The following BICD2 variants were observed in gnomAD, a reference collection of about 807,000 sequenced individuals.
The protein encoded by BICD2 is protein bicaudal D homolog 2.
BICD2 carries 25 observed loss-of-function variants against 72.9 expected under a neutral mutation model. The ratio of observed to expected loss-of-function variants is 0.34; its 90% CI spans 0.25 to 0.48. BICD2 has a LOEUF of 0.48. Ranked by LOEUF, BICD2 falls within the 20% of genes least tolerant of loss-of-function variation. BICD2 has a pLI of 0.99. For missense variants in BICD2, 894 were observed against 1,175.2 expected (o/e 0.76, Z 3.50); for synonymous variants, 501 against 516.1 (o/e 0.97, Z 0.40).
intron 1 of BICD2, among the ~76,000 whole-genome samples, chr9:92,743,696 G>A (rs1185666579): frequency 6.6e-6 from 1 of 152,146 alleles, no homozygotes; most frequent in Non-Finnish European, 1.5e-5. Context: ...AGCCATCTCT[G>A]CCTGCTCCAT....
At chr9:92,738,684 C>A (rs1043872608) in intron 1 of BICD2, among the ~76,000 whole-genome samples, 35 of 152,296 alleles carry the variant, frequency 2.3e-4, no homozygotes, top group African/African-American at 7.7e-4. Context: ...TTCCACTGGG[C>A]TCTGGCTCCC....
At chr9:92,739,664 A>G (rs1853859781) in intron 1 of BICD2, among the ~76,000 whole-genome samples, 1 of 152,248 alleles carries the variant, frequency 6.6e-6, no homozygotes, top group African/African-American at 2.4e-5. Flanking sequence ...ATTCAAGTCC[A>G]GCACCCACCT....
intron 3 of BICD2, among the ~76,000 whole-genome samples, chr9:92,721,015 G>A (rs1175286136): frequency 1.3e-5 from 2 of 152,172 alleles, no homozygotes; most frequent in East Asian, 1.9e-4. Context: ...CCCACCCACC[G>A]CTGGGACCAG....
rs967158228 is a variant in BICD2 at position 92,713,836 on chromosome 9, C to T, written c.*1318G>A. 1.2e-5 allele frequency: 13 copies of T among 1,082,510 alleles called. No individual in the cohort carries two copies. Among genetic ancestry groups the T allele is most frequent in the African/African-American group, 8.2e-5 (5 of 61,024 alleles). 67.1% of individuals were successfully genotyped at this position (1,082,510 alleles called of 1,614,324 possible). Reference sequence around the variant, plus strand: ...ATACTCGGCACCAAAGGGAAGAACGCGCAGGGCAGAGAGCTGTGGGAGGGG... The same window carrying T: ...ATACTCGGCACCAAAGGGAAGAACGTGCAGGGCAGAGAGCTGTGGGAGGGG... On this transcript the variant is annotated 3_prime_UTR_variant, in exon 7 of 7. Coordinates refer to ENST00000356884, the MANE Select transcript of BICD2 (RefSeq NM_001003800.2).
Position 92,729,011 on chromosome 9 carries a change from C to T in BICD2, c.453+13G>A, listed in dbSNP as rs773913737. 1 of 1,612,762 alleles carries T rather than the reference C, an allele frequency of 6.2e-7. No individual in the cohort carries two copies. Among genetic ancestry groups the T allele is most frequent in the Non-Finnish European group, 8.5e-7 (1 of 1,179,194 alleles). ...GCTGCAGCCACAGACTAGGCCCCTC[C>T]TCACCCCCTCACCTCCTTCAGCTCC... On this transcript the variant is annotated intron_variant, in intron 2 of 6. Coordinates refer to ENST00000356884, the MANE Select transcript of BICD2 (RefSeq NM_001003800.2).
chr9:92,754,323 C>T (rs916792341), intron 1 of BICD2, among the ~76,000 whole-genome samples: 5 of 152,130 alleles, frequency 3.3e-5, no homozygotes, highest in African/African-American at 1.2e-4. Flanking sequence ...TCCTGTGTAT[C>T]CTCACATAGC....
Position 92,718,953 on chromosome 9 carries a change from G to A in BICD2, c.1692C>T (p.Ala564=), listed in dbSNP as rs199944412. ...TGCGGCCCCCGGGACTGGTGCGGCC[G>A]GCCCCGCCCTGGCCCTCGCGGTAGT... ...LDYYREGQGG[A]GRTSPGGRTS... Residue 564 remains alanine (A), a synonymous_variant, in exon 5 of 7, where the codon GCC becomes GCT. Coordinates refer to ENST00000356884, the MANE Select transcript of BICD2 (RefSeq NM_001003800.2). 6.2e-5 allele frequency: 99 copies of A among 1,609,624 alleles called. No individual in the cohort carries two copies. The highest frequency in any genetic ancestry group is 1.9e-4 in the Middle Eastern group (1 of 5,282).
intron 2 of BICD2, 137 bp downstream of exon 2, chr9:92,728,887 C>T (rs1853621380): frequency 1.1e-6 from 1 of 914,964 alleles, no homozygotes; most frequent in Admixed American, 2.6e-5. Flanking sequence ...GAGGATGAGA[C>T]CAGGAAAGCA....
intron 2 of BICD2, among the ~76,000 whole-genome samples, chr9:92,727,387 T>G (rs1483969761): frequency 1.3e-5 from 2 of 152,180 alleles, no homozygotes; most frequent in Non-Finnish European, 2.9e-5. Context: ...GAAAGACCTG[T>G]GGGGCATCCT....
chr9:92,742,323 G>A (rs1389746831), intron 1 of BICD2, among the ~76,000 whole-genome samples: 1 of 151,746 alleles, frequency 6.6e-6, no homozygotes, highest in African/African-American at 2.4e-5. Flanking sequence ...GTACCATTCA[G>A]TGGTTTTTAG....
chr9:92,742,390 T>C (rs957621690), intron 1 of BICD2, among the ~76,000 whole-genome samples: 2 of 151,742 alleles, frequency 1.3e-5, no homozygotes, highest in Admixed American at 6.6e-5. Flanking sequence ...TTTTTTTTTT[T>C]TTCTTTTTTT....
At chr9:92,727,411 CAG>C (rs1853589250) in intron 2 of BICD2, among the ~76,000 whole-genome samples, 1 of 152,206 alleles carries the variant, frequency 6.6e-6, no homozygotes, top group Non-Finnish European at 1.5e-5. Context: ...CAACGGGCTT[CAG>C]AGACTGCCGG....
At chr9:92,748,705 A>C (rs1160491117) in intron 1 of BICD2, among the ~76,000 whole-genome samples, 1 of 151,566 alleles carries the variant, frequency 6.6e-6, no homozygotes, top group Non-Finnish European at 1.5e-5. Flanking sequence ...CACTAAACCA[A>C]CTCCCTCCTC....
rs146284710 is a variant in BICD2, at chr9:92,732,043, A to G, written c.241-2807T>C. Among the ~76,000 whole-genome samples, 26 of 152,368 alleles carry G rather than the reference A, an allele frequency of 1.7e-4. No homozygotes were observed. The East Asian group carries it at 2.9e-3, about 17-fold the overall frequency. ...AAAGCTCAAGAACACATGAAGGAAT[A>G]CAAAAACATCCATCTCCCAACAGGT... On this transcript the variant is annotated intron_variant, in intron 1 of 6. Coordinates refer to ENST00000356884, the MANE Select transcript of BICD2 (RefSeq NM_001003800.2).
intron 5 of BICD2, 60 bp downstream of exon 5, chr9:92,718,479 G>A (rs1206237617): frequency 1.9e-6 from 3 of 1,541,240 alleles, no homozygotes; most frequent in Non-Finnish European, 2.6e-6. Context: ...AGGAGGCCAA[G>A]GGGGAAACAC....
rs537647377 is a variant in BICD2 at position 92,739,590 on chromosome 9, G to A, written c.241-10354C>T. ...GCCTTTGGAGCAAGACCCGACCCCC[G>A]ACCACGATTTTACTCCTTGAGAGGG... On this transcript the variant is annotated intron_variant, in intron 1 of 6. Coordinates refer to ENST00000356884, the MANE Select transcript of BICD2 (RefSeq NM_001003800.2). Among the ~76,000 whole-genome samples, 79 of 152,276 alleles carry A rather than the reference G, an allele frequency of 5.2e-4. No homozygotes were observed. The South Asian group carries it at 9.5e-3, about 18-fold the overall frequency.
intron 1 of BICD2, among the ~76,000 whole-genome samples, chr9:92,751,454 T>C (rs1265419395): frequency 1.3e-5 from 2 of 152,112 alleles, no homozygotes; most frequent in East Asian, 3.9e-4. Context: ...CTAACTTAAG[T>C]AACTTTGGAA....
At chr9:92,757,592 G>T (rs1262866697) in intron 1 of BICD2, among the ~76,000 whole-genome samples, 5 of 142,514 alleles carry the variant, frequency 3.5e-5, no homozygotes, top group Non-Finnish European at 7.7e-5. Context: ...CTACTGCGGG[G>T]GGGCGGGGGG....
Position 92,713,685 on chromosome 9 carries a change from C to T in BICD2, c.*1469G>A. 1 of 1,410,940 alleles carries T rather than the reference C, an allele frequency of 7.1e-7. No homozygotes were observed. Among genetic ancestry groups the T allele is most frequent in the Non-Finnish European group, 9.3e-7 (1 of 1,079,164 alleles). 87.4% of individuals were successfully genotyped at this position (1,410,940 alleles called of 1,614,324 possible). Reference sequence around the variant, plus strand: ...AGGCTTGCAAGGAGAGGGCAAAGCGCATGCAGGGTGGGCATGCCAGCAGCC... The same window carrying T: ...AGGCTTGCAAGGAGAGGGCAAAGCGTATGCAGGGTGGGCATGCCAGCAGCC... On this transcript the variant is annotated 3_prime_UTR_variant, in exon 7 of 7. Coordinates refer to ENST00000356884, the MANE Select transcript of BICD2 (RefSeq NM_001003800.2).
Sources: gnomAD v4.1 joint callset for allele counts (sites outside exome capture counted in the v4.1 genomes callset) on GRCh38, gnomAD v4.1.1 for gene constraint, MANE v1.5 for transcripts, NCBI Gene and HGNC (gene_info 2026-07-23, HGNC 2026-07-21) for gene names.